ATF7: variants seen among roughly 807,000 people sequenced by gnomAD.
ATF7 encodes activating transcription factor 7, also known as cyclic AMP-dependent transcription factor ATF-7.
Under a neutral mutation model 50.4 loss-of-function variants are expected in ATF7, and 10 were observed. That is an observed-to-expected ratio of 0.20 (90% CI 0.12 to 0.34). ATF7 has a LOEUF of 0.34. ATF7 is among the 10% of genes least tolerant of loss of function. The pLI, the probability that ATF7 is intolerant of heterozygous loss-of-function variation, is 1.00. For missense variants in ATF7, 465 were observed against 613.9 expected, an observed-to-expected ratio of 0.76 and a Z score of 2.56; for synonymous variants, 201 against 226.4, an observed-to-expected ratio of 0.89 and a Z score of 1.01.
At chr12:53,617,185 G>C (rs1944169894) in intron 1 of ATF7, among the ~76,000 whole-genome samples, 1 of 151,924 alleles carries the variant, frequency 6.6e-6, no homozygotes, top group African/African-American at 2.4e-5. Flanking sequence ...ACCACACTCA[G>C]CTAATTTTTG....
chr12:53,609,719 A>G (rs1375683462), intron 1 of ATF7, among the ~76,000 whole-genome samples: 2 of 151,870 alleles, frequency 1.3e-5, no homozygotes, highest in Non-Finnish European at 2.9e-5. Flanking sequence ...TTTAGCATAT[A>G]TTATCTCAAT....
In ATF7 at chr12:53,547,283, C is replaced by CTT. The variant is rs34610513; in HGVS notation, c.146-3837_146-3836dup. ...ACAGGTGTGAGCCACCGTGCCCAGC[C>CTT]TTTTTTTTTTTTTTTTTTTTTGAGA... On this transcript the variant is annotated intron_variant, in intron 3 of 11. Transcript: ENST00000420353. 8.8e-3 allele frequency among the ~76,000 whole-genome samples: 551 copies of CTT among 62,542 alleles called. 21 individuals carry two copies. Among genetic ancestry groups the CTT allele is most frequent in the Middle Eastern group, 0.04 (2 of 50 alleles). 41.0% of individuals were successfully genotyped at this position (62,542 alleles called of 152,430 possible). A position where few individuals can be genotyped will look rare whatever the true frequency, so the allele number is the denominator to read the frequency against.
rs143792303 is a variant in ATF7 at position 53,589,287 on chromosome 12, G to A, written c.48+11666C>T. On this transcript the variant is annotated intron_variant, in intron 2 of 11. Transcript: ENST00000420353. Reference sequence around the variant, plus strand: ...TTCTCACTGGTAATTCTCCCTCAGAGGTTGCTAGGATTAAATAAAATATCC... The same window carrying A: ...TTCTCACTGGTAATTCTCCCTCAGAAGTTGCTAGGATTAAATAAAATATCC... Among the ~76,000 whole-genome samples, 300 of 152,272 alleles carry A rather than the reference G, an allele frequency of 2.0e-3. 1 individual carries two copies. Among genetic ancestry groups the A allele is most frequent in the African/African-American group, 7.1e-3 (294 of 41,548 alleles).
intron 9 of ATF7, among the ~76,000 whole-genome samples, chr12:53,526,520 C>G (rs1296198022): frequency 6.6e-6 from 1 of 152,138 alleles, no homozygotes; most frequent in Non-Finnish European, 1.5e-5. Flanking sequence ...TAAAACAACT[C>G]TATGTTATTA....
chr12:53,618,995 T>C (rs1303078754), intron 1 of ATF7, among the ~76,000 whole-genome samples: 1 of 147,482 alleles, frequency 6.8e-6, no homozygotes, highest in Non-Finnish European at 1.5e-5. Context: ...GAGGTTGCAG[T>C]GAGCCAAGAC....
intron 1 of ATF7, among the ~76,000 whole-genome samples, chr12:53,620,461 AG>A (rs1944330795): frequency 2.0e-5 from 3 of 149,392 alleles, no homozygotes; most frequent in Admixed American, 1.3e-4. Context: ...CTGTAGTCCC[AG>A]CTACTTGGGA....
intron 2 of ATF7, among the ~76,000 whole-genome samples, chr12:53,592,784 T>C (rs1035424599): frequency 2.6e-5 from 4 of 152,168 alleles, no homozygotes; most frequent in Non-Finnish European, 5.9e-5. Flanking sequence ...TGATTAGTAA[T>C]AGCAAAACAG....
intron 1 of ATF7, 82 bp from the exon 2 acceptor site, chr12:53,601,103 C>T: frequency 9.7e-7 from 1 of 1,033,476 alleles, no homozygotes; most frequent in African/African-American, 1.6e-5. Context: ...AAAATATCAA[C>T]CCTAGAAACA....
At chr12:53,535,281 G>A (rs1939147334) in intron 5 of ATF7, among the ~76,000 whole-genome samples, 1 of 145,240 alleles carries the variant, frequency 6.9e-6, no homozygotes, top group Admixed American at 7.0e-5. Flanking sequence ...AGTGAGCTGA[G>A]ATCGCACCAC....
chr12:53,529,702 T>TACAC (rs1206284294), intron 9 of ATF7, among the ~76,000 whole-genome samples: 4,270 of 81,612 alleles, frequency 0.052, 199 homozygotes, highest in African/African-American at 0.16. Context: ...TACATATATA[T>TACAC]ATACACATAC....
chr12:53,544,628 G>A (rs1229343579), intron 3 of ATF7, among the ~76,000 whole-genome samples: 2 of 151,988 alleles, frequency 1.3e-5, no homozygotes, highest in African/African-American at 4.8e-5. Context: ...GGTGCCTGTA[G>A]TCCCAGCTAC....
At position 53,516,493 on chromosome 12, in the gene ATF7, G is replaced by C. The variant is rs538384826; in HGVS notation, c.*644C>G. ...TTCTTTCTTTTTGGTGGCAGGTAGA[G>C]AGAAGGAATAAAGCTTATGGAAAAA... is the stretch of plus-strand genomic sequence containing the variant. On this transcript the variant is annotated 3_prime_UTR_variant, in exon 12 of 12. Coordinates refer to ENST00000420353, the MANE Select transcript of ATF7 (RefSeq NM_006856.3). The C allele has an allele frequency of 6.5e-6, 1 of 152,842 alleles. No individual in the cohort carries two copies. The highest frequency in any genetic ancestry group is 1.5e-5 in the Non-Finnish European group (1 of 68,200). The allele number at this position is 152,842 out of a possible 1,614,324, so 9.5% of individuals were successfully genotyped here. A position where few individuals can be genotyped will look rare whatever the true frequency, so the allele number is the denominator to read the frequency against.
chr12:53,534,415 T>G lies in ATF7; in HGVS notation c.560+87A>C. On this transcript the variant is annotated intron_variant, in intron 6 of 11. Coordinates refer to ENST00000420353, the MANE Select transcript of ATF7 (RefSeq NM_006856.3). The stretch of plus-strand genomic sequence containing the variant: ...TCAGTGACTTATTTTCCTTGGGTAT[T>G]GGAAAACAGTCCCAGTTTTATCAAA... 4 of 1,563,772 alleles carry G rather than the reference T, an allele frequency of 2.6e-6. No individual in the cohort carries two copies. In the South Asian group the frequency reaches 3.3e-5, roughly 13 times the overall value.
chr12:53,535,787 T>G (rs1159438014), intron 5 of ATF7, among the ~76,000 whole-genome samples: 1 of 152,144 alleles, frequency 6.6e-6, no homozygotes, highest in Non-Finnish European at 1.5e-5. Flanking sequence ...ATTTATGAAT[T>G]ATGTGAATTT....
intron 3 of ATF7, among the ~76,000 whole-genome samples, chr12:53,546,089 G>A (rs1939886138): frequency 6.6e-6 from 1 of 152,126 alleles, no homozygotes; most frequent in Admixed American, 6.5e-5. Flanking sequence ...CTACTTGGGA[G>A]GCTGAGGCAG....
intron 2 of ATF7, among the ~76,000 whole-genome samples, chr12:53,561,709 A>ATGGGAAAT (rs1340268403): frequency 6.6e-6 from 1 of 152,228 alleles, no homozygotes; most frequent in East Asian, 1.9e-4. Context: ...TTAGCCAATG[A>ATGGGAAAT]TGGGAAATAA....
At chr12:53,604,077 A>T (rs1040447378) in intron 1 of ATF7, among the ~76,000 whole-genome samples, 1 of 152,182 alleles carries the variant, frequency 6.6e-6, no homozygotes, top group African/African-American at 2.4e-5. Flanking sequence ...TTCAGGATGA[A>T]ACATAAGCAT....
intron 2 of ATF7, among the ~76,000 whole-genome samples, chr12:53,587,843 A>ATATATATATATATACATATATATATATT: frequency 3.2e-5 from 2 of 61,566 alleles, no homozygotes; most frequent in Non-Finnish European, 6.8e-5. Context: ...ATATATATAT[A>ATATATATATATATACATATATATATATT]TTTTTTTTTT....
intron 1 of ATF7, among the ~76,000 whole-genome samples, chr12:53,614,705 A>G (rs772363315): frequency 1.6e-4 from 24 of 152,212 alleles, no homozygotes; most frequent in Non-Finnish European, 3.2e-4. Context: ...ATGCTCGCCA[A>G]TTCACTCTCA....
Sources: allele counts gnomAD v4.1 joint callset (sites outside exome capture counted in the v4.1 genomes callset), GRCh38; gene constraint gnomAD v4.1.1; transcripts MANE v1.5; gene names NCBI Gene and HGNC (gene_info 2026-07-23, HGNC 2026-07-21).